Variants in DLG2 observed in about 807,000 individuals in gnomAD.
DLG2 encodes the protein discs large MAGUK scaffold protein 2.
Under a neutral mutation model 132.5 loss-of-function variants are expected in DLG2, and 45 were observed. The ratio of observed to expected loss-of-function variants is 0.34; its 90% CI spans 0.27 to 0.44. The LOEUF is 0.44. Among genes scored for constraint, DLG2 ranks in the 20% least tolerant of loss-of-function variants. The probability of loss-of-function intolerance (pLI) is 1.00; values close to 1 mark genes in which losing one functional copy is unlikely to be tolerated. For synonymous variants in DLG2, 424 were observed against 419.6 expected (o/e 1.01, Z -0.13); for missense variants, 1,045 against 1,196.9 (o/e 0.87, Z 1.87).
intron 19 of DLG2, among the ~76,000 whole-genome samples, chr11:83,599,589 C>T (rs2058188432): frequency 6.6e-6 from 1 of 152,104 alleles, no homozygotes; most frequent in African/African-American, 2.4e-5. Context: ...TTTGTGACAC[C>T]ATGGGGCACT....
At chr11:84,283,827 A>T (rs1336868250) in intron 7 of DLG2, among the ~76,000 whole-genome samples, 1 of 152,194 alleles carries the variant, frequency 6.6e-6, no homozygotes, top group Non-Finnish European at 1.5e-5. Context: ...ATTACTATTA[A>T]TGGGGCCTAA....
At chr11:84,303,595 G>C (rs1323823072) in intron 7 of DLG2, among the ~76,000 whole-genome samples, 1 of 152,094 alleles carries the variant, frequency 6.6e-6, no homozygotes. Context: ...CAAAATTTTT[G>C]TCCGATTTCC....
intron 7 of DLG2, among the ~76,000 whole-genome samples, chr11:84,355,807 G>T (rs1015216228): frequency 5.3e-5 from 8 of 152,062 alleles, no homozygotes; most frequent in African/African-American, 1.7e-4. Context: ...AGATTAGAAG[G>T]GTTAGTGTAT....
At chr11:85,060,166 A>C (rs936221681) in intron 6 of DLG2, among the ~76,000 whole-genome samples, 3 of 151,434 alleles carry the variant, frequency 2.0e-5, no homozygotes, top group Non-Finnish European at 4.4e-5. Flanking sequence ...GCGACTTTAG[A>C]CACTTCACAT....
intron 15 of DLG2, among the ~76,000 whole-genome samples, chr11:83,913,650 C>T (rs1256827228): frequency 6.6e-6 from 1 of 152,106 alleles, no homozygotes; most frequent in Non-Finnish European, 1.5e-5. Context: ...AACAGTTACT[C>T]ATGTGAACAG....
intron 3 of DLG2, among the ~76,000 whole-genome samples, chr11:85,548,885 G>A (rs902665326): frequency 6.6e-6 from 1 of 152,190 alleles, no homozygotes; most frequent in Non-Finnish European, 1.5e-5. Context: ...TGCTGTGCTA[G>A]CAGTGAGAAT....
chr11:84,477,951 G>C (rs2099126251), intron 7 of DLG2, among the ~76,000 whole-genome samples: 1 of 151,980 alleles, frequency 6.6e-6, no homozygotes, highest in Non-Finnish European at 1.5e-5. Context: ...CACTACTTTA[G>C]TTCTCACAGA....
intron 6 of DLG2, among the ~76,000 whole-genome samples, chr11:85,004,541 T>A (rs180730906): frequency 2.1e-4 from 32 of 152,346 alleles, no homozygotes; most frequent in African/African-American, 7.0e-4. Context: ...TCTGTTCATG[T>A]CCTTTGCCTA....
At position 84,949,545 on chromosome 11, in the gene DLG2, A is replaced by G. The variant is rs553196741; in HGVS notation, c.357+162116T>C. 9.9e-5 allele frequency among the ~76,000 whole-genome samples: 15 copies of G among 152,154 alleles called. No homozygotes were observed. The East Asian group carries it at 2.9e-3, about 29-fold the overall frequency. On this transcript the variant is annotated intron_variant, in intron 6 of 27. Transcript: ENST00000376104. ...CTGGCGGGCGGGGGGTGGGCAGTTC[A>G]GAGACCTACCCCTAGGTGCGCATTC...
chr11:84,482,006 T>A (rs1370215725), intron 7 of DLG2, among the ~76,000 whole-genome samples: 2 of 152,202 alleles, frequency 1.3e-5, no homozygotes, highest in African/African-American at 4.8e-5. Flanking sequence ...TTCTATTACA[T>A]TGCATTAAAT....
chr11:85,085,164 G>A (rs1419682096), intron 6 of DLG2, among the ~76,000 whole-genome samples: 1 of 152,116 alleles, frequency 6.6e-6, no homozygotes, highest in Non-Finnish European at 1.5e-5. Flanking sequence ...GTATTACTGA[G>A]AAATATGAGG....
chr11:84,392,889 T>C (rs1274446060), intron 7 of DLG2, among the ~76,000 whole-genome samples: 7 of 152,218 alleles, frequency 4.6e-5, no homozygotes, highest in African/African-American at 1.7e-4. Context: ...TTCTTTGTAA[T>C]GATAAACTTT....
chr11:85,221,744 A>C (rs962634098), intron 4 of DLG2, among the ~76,000 whole-genome samples: 2 of 152,228 alleles, frequency 1.3e-5, no homozygotes, highest in Admixed American at 1.3e-4. Flanking sequence ...AAAGAGGAGT[A>C]GTGGTTTATC....
chr11:83,682,091 C>T (rs1475697780), intron 18 of DLG2: 2 of 980,662 alleles, frequency 2.0e-6, no homozygotes, highest in Non-Finnish European at 2.4e-6. Context: ...AGTGCCTATT[C>T]CAAACTATGG....
At chr11:84,522,148 A>G (rs2099304160) in intron 7 of DLG2, among the ~76,000 whole-genome samples, 1 of 151,834 alleles carries the variant, frequency 6.6e-6, no homozygotes, top group African/African-American at 2.4e-5. Flanking sequence ...AGCCTGGGCG[A>G]CAGAGCGAGA....
chr11:84,368,825 G>C (rs2098694553), intron 7 of DLG2, among the ~76,000 whole-genome samples: 1 of 152,052 alleles, frequency 6.6e-6, no homozygotes, highest in Non-Finnish European at 1.5e-5. Context: ...TTATGTGTTT[G>C]AAACCCAATA....
intron 6 of DLG2, among the ~76,000 whole-genome samples, chr11:84,641,243 C>T (rs906126343): frequency 4.6e-5 from 7 of 152,162 alleles, no homozygotes; most frequent in African/African-American, 1.4e-4. Context: ...CTCAGCTTCA[C>T]TATATATAAA....
chr11:83,498,324 A>T (rs992728438), intron 21 of DLG2, among the ~76,000 whole-genome samples: 1 of 152,110 alleles, frequency 6.6e-6, no homozygotes, highest in African/African-American at 2.4e-5. Context: ...TTTCCCAATT[A>T]TTAGAAAATC....
intron 18 of DLG2, among the ~76,000 whole-genome samples, chr11:83,761,544 T>C (rs1409922802): frequency 3.9e-5 from 6 of 152,226 alleles, no homozygotes; most frequent in African/African-American, 1.4e-4. Context: ...CTGTTGTTTA[T>C]TTCTGTCTGA....
Sources: gnomAD v4.1 joint callset for allele counts (sites outside exome capture counted in the v4.1 genomes callset) on GRCh38, gnomAD v4.1.1 for gene constraint, MANE v1.5 for transcripts, NCBI Gene and HGNC (gene_info 2026-07-23, HGNC 2026-07-21) for gene names.